PHC3: variants seen among roughly 807,000 people sequenced by gnomAD.
The protein encoded by PHC3 is polyhomeotic homolog 3.
In PHC3, 13 loss-of-function variants were observed where a neutral mutation model predicts 107.4. That is an observed-to-expected ratio of 0.12 (90% CI 0.08 to 0.19). The LOEUF is 0.19. PHC3 is among the 10% of genes least tolerant of loss of function. The pLI, the probability that PHC3 is intolerant of heterozygous loss-of-function variation, is 1.00. For synonymous variants in PHC3, 456 were observed against 427.4 expected, an observed-to-expected ratio of 1.07 and a Z score of -0.83; for missense variants, 992 against 1,210.9, an observed-to-expected ratio of 0.82 and a Z score of 2.68.
intron 8 of PHC3, among the ~76,000 whole-genome samples, chr3:170,124,440 T>C (rs1720942298): frequency 6.6e-6 from 1 of 152,192 alleles, no homozygotes; most frequent in African/African-American, 2.4e-5. Context: ...TGGAGTGCAG[T>C]GGCTCCATTA....
chr3:170,171,858 T>A (rs559895736), intron 3 of PHC3, among the ~76,000 whole-genome samples: 3 of 152,234 alleles, frequency 2.0e-5, no homozygotes, highest in Admixed American at 6.5e-5. Flanking sequence ...GCTGAGAATC[T>A]GTTGGTAACA....
chr3:170,127,679 T>C (rs1167193473), intron 8 of PHC3, among the ~76,000 whole-genome samples: 6 of 152,334 alleles, frequency 3.9e-5, no homozygotes, highest in African/African-American at 1.2e-4. Flanking sequence ...TCTGAGCTAA[T>C]ATTTATTAGC....
intron 14 of PHC3, among the ~76,000 whole-genome samples, chr3:170,101,854 G>C (rs1386473572): frequency 3.3e-5 from 5 of 151,966 alleles, no homozygotes; most frequent in African/African-American, 1.2e-4. Context: ...ACATAAATAA[G>C]AAAGTTACCC....
intron 8 of PHC3, 142 bp downstream of exon 8, chr3:170,128,542 T>C: frequency 8.3e-7 from 1 of 1,199,118 alleles, no homozygotes. Flanking sequence ...CCATACAGCA[T>C]GTTTGTCAGA....
At position 170,102,907 on chromosome 3, in the gene PHC3, A is replaced by C. The variant is rs759442387; in HGVS notation, c.2496T>G (p.Phe832Leu). ...GCTTACGATTCCAACGACTAAGTGC[A>C]AATTTTTTAGAACAGCTAACATTGT... Reference protein sequence around the residue: ...KRYNVSCSKKFALSRWNRKPD... With the variant: ...KRYNVSCSKKLALSRWNRKPD... Residue 832 changes from phenylalanine (F) to leucine (L), a missense_variant, in exon 13 of 15, where the codon TTT (phenylalanine) becomes TTG (leucine). Around this residue, in one of 6 missense-constraint regions of PHC3, gnomAD observed 228 missense variants for 288.8 expected, o/e 0.79. Transcript: ENST00000495893. 90 of 1,613,182 alleles carry C rather than the reference A, an allele frequency of 5.6e-5. No individual in the cohort carries two copies. The highest frequency in any genetic ancestry group is 7.4e-5 in the Non-Finnish European group (87 of 1,179,482).
chr3:170,148,912 AAGT>A (rs1320046507), intron 5 of PHC3, 171 bp downstream of exon 5: 1 of 556,566 alleles, frequency 1.8e-6, no homozygotes, highest in African/African-American at 1.9e-5. Flanking sequence ...TATTAATTAA[AAGT>A]AGAATCTTTC....
intron 7 of PHC3, among the ~76,000 whole-genome samples, chr3:170,130,566 T>C (rs576176298): frequency 1.3e-5 from 2 of 152,236 alleles, no homozygotes; most frequent in African/African-American, 2.4e-5. Context: ...TTGCAGAGAA[T>C]GAGACAATCA....
intron 10 of PHC3, among the ~76,000 whole-genome samples, chr3:170,116,472 C>G (rs1384679329): frequency 6.6e-6 from 1 of 152,090 alleles, no homozygotes; most frequent in African/African-American, 2.4e-5. Flanking sequence ...GTAGCTAAGG[C>G]ATGAGAATCA....
chr3:170,117,223 T>A lies in PHC3; in HGVS notation c.2193+3A>T. 1 of 1,614,010 alleles carries A rather than the reference T, an allele frequency of 6.2e-7. No homozygotes were observed. The highest frequency in any genetic ancestry group is 8.5e-7 in the Non-Finnish European group (1 of 1,179,872). ...CACACACACAAATATGCTTGCTACT[T>A]ACAGGAAATGGCTCCAATCCCTCCT... On this transcript the variant is annotated splice_donor_region_variant and intron_variant, in intron 10 of 14. Coordinates refer to ENST00000495893, the MANE Select transcript of PHC3 (RefSeq NM_024947.4).
chr3:170,164,202 AAAAC>A (rs747179232), intron 4 of PHC3, among the ~76,000 whole-genome samples: 14 of 152,154 alleles, frequency 9.2e-5, no homozygotes, highest in African/African-American at 1.7e-4. Context: ...TCTCCTAACA[AAAAC>A]AAACAAACAA....
intron 5 of PHC3, 91 bp from the exon 6 acceptor site, chr3:170,145,612 G>T: frequency 1.3e-6 from 1 of 794,588 alleles, no homozygotes; most frequent in Non-Finnish European, 2.0e-6. Context: ...TGAAATTTGT[G>T]ACAGAAAGAC....
At chr3:170,119,581 G>A (rs1246038080) in intron 9 of PHC3, among the ~76,000 whole-genome samples, 1 of 152,056 alleles carries the variant, frequency 6.6e-6, no homozygotes, top group East Asian at 1.9e-4. Context: ...AGAAGAGAAA[G>A]ACAATTATTA....
rs765802472 is a variant in PHC3 at position 170,117,489 on chromosome 3, C to A, written c.1943-13G>T. 1.3e-5 allele frequency: 21 copies of A among 1,576,884 alleles called. No individual in the cohort carries two copies. Among genetic ancestry groups the A allele is most frequent in the South Asian group, 1.3e-4 (11 of 85,244 alleles). On this transcript the variant is annotated splice_polypyrimidine_tract_variant and intron_variant, in intron 9 of 14. Transcript: ENST00000495893. Reference sequence around the variant, plus strand: ...AATTCCACTTGCTCTGAAAAAAAAACCAAAAAGTCATTTAAAAATTTTTTT... The same window carrying A: ...AATTCCACTTGCTCTGAAAAAAAAAACAAAAAGTCATTTAAAAATTTTTTT...
At chr3:170,126,066 A>G in intron 8 of PHC3, 5 of 619,872 alleles carry the variant, frequency 8.1e-6, no homozygotes, top group Non-Finnish European at 1.0e-5. Flanking sequence ...TTATATCCAA[A>G]TGTCAACAAA....
intron 7 of PHC3, among the ~76,000 whole-genome samples, chr3:170,134,116 T>C (rs1406006103): frequency 1.3e-5 from 2 of 151,404 alleles, no homozygotes; most frequent in African/African-American, 4.9e-5. Flanking sequence ...TTTTATGCCA[T>C]ACAGAGAGCA....
chr3:170,177,976 T>C (rs1201489319), intron 2 of PHC3, among the ~76,000 whole-genome samples: 1 of 149,518 alleles, frequency 6.7e-6, no homozygotes, highest in East Asian at 2.1e-4. Flanking sequence ...TAGCCAATAG[T>C]ATGATTATTA....
rs1380339408 is a variant in PHC3, at chr3:170,091,912, G to A, written c.*5318C>T. On this transcript the variant is annotated 3_prime_UTR_variant, in exon 15 of 15. Transcript: ENST00000495893. ...AGGTAATCTAATTTTAAATTTATTT[G>A]AAGAAAGCTTATATAACTACTGTGA... is the stretch of plus-strand genomic sequence containing the variant. 2.6e-5 allele frequency: 4 copies of A among 152,094 alleles called. No homozygotes were observed. The highest frequency in any genetic ancestry group is 2.0e-4 in the Admixed American group (3 of 15,274). The allele number at this position is 152,094 out of a possible 1,614,324, so 9.4% of individuals were successfully genotyped here. A position where few individuals can be genotyped will look rare whatever the true frequency, so the allele number is the denominator to read the frequency against.
intron 14 of PHC3, among the ~76,000 whole-genome samples, chr3:170,099,543 G>T (rs1040402406): frequency 2.6e-5 from 4 of 152,162 alleles, no homozygotes; most frequent in Non-Finnish European, 2.9e-5. Context: ...TCCCGGGGAT[G>T]TGTACAAAAC....
At chr3:170,151,834 C>A (rs1221261081) in intron 4 of PHC3, among the ~76,000 whole-genome samples, 1 of 152,120 alleles carries the variant, frequency 6.6e-6, no homozygotes, top group Non-Finnish European at 1.5e-5. Flanking sequence ...CTGTACGGTT[C>A]CATAACCCAG....
Sources: allele counts gnomAD v4.1 joint callset (sites outside exome capture counted in the v4.1 genomes callset), GRCh38; gene constraint gnomAD v4.1.1; regional missense constraint gnomAD v4.1.1; transcripts MANE v1.5; gene names NCBI Gene and HGNC (gene_info 2026-07-23, HGNC 2026-07-21).